The following ST8SIA4 variants were observed in gnomAD, a reference collection of about 807,000 sequenced individuals.
The protein encoded by ST8SIA4 is ST8 alpha-N-acetyl-neuraminide alpha-2,8-sialyltransferase 4.
In ST8SIA4, 15 loss-of-function variants were observed where a neutral mutation model predicts 33.9. The ratio of observed to expected loss-of-function variants is 0.44; its 90% CI spans 0.30 to 0.68. ST8SIA4 has a LOEUF of 0.68. Ranked by LOEUF, ST8SIA4 falls within the 30% of genes least tolerant of loss-of-function variation. The pLI, the probability that ST8SIA4 is intolerant of heterozygous loss-of-function variation, is 0.10. For missense variants in ST8SIA4, 321 were observed against 428.0 expected, an observed-to-expected ratio of 0.75 and a Z score of 2.21; for synonymous variants, 171 against 151.2, an observed-to-expected ratio of 1.13 and a Z score of -0.96.
chr5:100,828,558 T>G (rs986137731), intron 4 of ST8SIA4, among the ~76,000 whole-genome samples: 3 of 152,198 alleles, frequency 2.0e-5, no homozygotes, highest in Non-Finnish European at 4.4e-5. Flanking sequence ...ACGTCTTTGC[T>G]AAAAGGCTCC....
At chr5:100,815,218 G>GA (rs900764860) in intron 4 of ST8SIA4, among the ~76,000 whole-genome samples, 12 of 151,168 alleles carry the variant, frequency 7.9e-5, no homozygotes, top group Admixed American at 7.2e-4. Flanking sequence ...AAATTTGAAG[G>GA]AAAAAAAATC....
chr5:100,875,234 T>C (rs942821848), intron 3 of ST8SIA4, among the ~76,000 whole-genome samples: 2 of 152,184 alleles, frequency 1.3e-5, no homozygotes, highest in Non-Finnish European at 2.9e-5. Flanking sequence ...ACTGAATCTG[T>C]TAATAGTTAA....
chr5:100,853,711 C>A (rs183684692), intron 4 of ST8SIA4, among the ~76,000 whole-genome samples: 21 of 152,158 alleles, frequency 1.4e-4, no homozygotes, highest in African/African-American at 4.8e-4. Flanking sequence ...TTTAAAATAT[C>A]TGTAAAAACC....
intron 4 of ST8SIA4, among the ~76,000 whole-genome samples, chr5:100,830,241 G>T (rs1751226317): frequency 6.6e-6 from 1 of 152,196 alleles, no homozygotes; most frequent in African/African-American, 2.4e-5. Context: ...AGACTCTGGA[G>T]CCAGACCGAT....
At chr5:100,885,069 C>T (rs1378511990) in intron 3 of ST8SIA4, among the ~76,000 whole-genome samples, 1 of 149,258 alleles carries the variant, frequency 6.7e-6, no homozygotes, top group East Asian at 1.9e-4. Flanking sequence ...AGAGGCCTTA[C>T]ATTTTTTCAC....
intron 4 of ST8SIA4, among the ~76,000 whole-genome samples, chr5:100,844,802 C>A (rs763008893): frequency 1.6e-4 from 24 of 151,872 alleles, no homozygotes; most frequent in Non-Finnish European, 2.1e-4. Context: ...TAGCTAAAGG[C>A]TTTAAACTTA....
chr5:100,847,563 G>T (rs909570071), intron 4 of ST8SIA4, among the ~76,000 whole-genome samples: 1 of 152,024 alleles, frequency 6.6e-6, no homozygotes, highest in Admixed American at 6.6e-5. Context: ...TTTGAGAAAT[G>T]ATATTTTTGT....
Position 100,856,360 on chromosome 5 carries a change from A to T in ST8SIA4, c.540T>A (p.Asp180Glu). 1.9e-6 allele frequency: 3 copies of T among 1,614,030 alleles called. No individual in the cohort carries two copies. The highest frequency in any genetic ancestry group is 2.5e-6 in the Non-Finnish European group (3 of 1,179,910). ...TAATAAAATCTGATTTAGTTCCCAC[A>T]TCTGCAGCAAACTCCACCACAGGAG... ...NLAPVVEFAA[D>E]VGTKSDFITM... Residue 180 changes from aspartate (D) to glutamate (E), a missense_variant, in exon 4 of 5, where the codon GAT becomes GAA. Asp to Glu is a conservative substitution (Grantham distance 45, BLOSUM62 2). Coordinates refer to ENST00000231461, the MANE Select transcript of ST8SIA4 (RefSeq NM_005668.6).
chr5:100,897,882 C>G (rs145863326), intron 1 of ST8SIA4, among the ~76,000 whole-genome samples: 64 of 152,200 alleles, frequency 4.2e-4, no homozygotes, highest in African/African-American at 1.5e-3. Context: ...TACTGACCAT[C>G]GGCCCAGAAG....
intron 3 of ST8SIA4, among the ~76,000 whole-genome samples, chr5:100,866,834 T>A (rs1752073908): frequency 6.6e-6 from 1 of 152,032 alleles, no homozygotes; most frequent in South Asian, 2.1e-4. Flanking sequence ...CACTCAAACT[T>A]TTTTTTAATA....
At chr5:100,886,636 A>G (rs370240713) in intron 2 of ST8SIA4, 36 bp from the exon 3 acceptor site, 48 of 1,535,344 alleles carry the variant, frequency 3.1e-5, no homozygotes, top group Middle Eastern at 3.4e-4. Context: ...TTACATTACC[A>G]TCAGCATATC....
intron 3 of ST8SIA4, among the ~76,000 whole-genome samples, chr5:100,879,458 G>A (rs1256353265): frequency 6.6e-6 from 1 of 152,040 alleles, no homozygotes; most frequent in Non-Finnish European, 1.5e-5. Flanking sequence ...ATAAAGGAAT[G>A]TTTTACCTCT....
At chr5:100,836,368 A>G (rs1751361599) in intron 4 of ST8SIA4, among the ~76,000 whole-genome samples, 1 of 151,988 alleles carries the variant, frequency 6.6e-6, no homozygotes, top group South Asian at 2.1e-4. Context: ...GCCCCTAAAG[A>G]CCACGTTGAG....
At chr5:100,841,661 C>T (rs1055540197) in intron 4 of ST8SIA4, among the ~76,000 whole-genome samples, 1 of 151,698 alleles carries the variant, frequency 6.6e-6, no homozygotes, top group Non-Finnish European at 1.5e-5. Context: ...TGTGTTTTGT[C>T]CAATTATTTG....
rs530276095 is a variant in ST8SIA4 at position 100,823,929 on chromosome 5, T to C, written c.798-11800A>G. ...TTTACTGACAGTTTGAATAAGAATA[T>C]AAGTTGATAGAGATAATTAACTCAG... On this transcript the variant is annotated intron_variant, in intron 4 of 4. Coordinates refer to ENST00000231461, the MANE Select transcript of ST8SIA4 (RefSeq NM_005668.6). Among the ~76,000 whole-genome samples the C allele has an allele frequency of 2.6e-5, 4 of 152,354 alleles. No individual in the cohort carries two copies. In the South Asian group the frequency reaches 6.2e-4, roughly 24 times the overall value.
chr5:100,864,574 CAAAAAAAAAAAAAA>C (rs201029430), intron 3 of ST8SIA4, among the ~76,000 whole-genome samples: 4 of 69,384 alleles, frequency 5.8e-5, no homozygotes, highest in Admixed American at 1.6e-4. Context: ...GACTCCGGCT[CAAAAAAAAAAAAAA>C]AAAAAAAAAA....
At chr5:100,819,949 G>A (rs184259475) in intron 4 of ST8SIA4, among the ~76,000 whole-genome samples, 15 of 152,190 alleles carry the variant, frequency 9.9e-5, no homozygotes, top group South Asian at 4.1e-4. Flanking sequence ...TATTCTTGCT[G>A]GTATTTTAGA....
chr5:100,861,599 T>C (rs527511431), intron 3 of ST8SIA4, among the ~76,000 whole-genome samples: 2 of 152,252 alleles, frequency 1.3e-5, no homozygotes, highest in Non-Finnish European at 2.9e-5. Context: ...TTAATTTAAA[T>C]AAAAATGTTA....
chr5:100,821,843 T>C (rs1015994470), intron 4 of ST8SIA4, among the ~76,000 whole-genome samples: 2 of 152,222 alleles, frequency 1.3e-5, no homozygotes, highest in African/African-American at 4.8e-5. Context: ...TCTATTTTTA[T>C]TCCTGCCATA....
Sources: allele counts gnomAD v4.1 joint callset (sites outside exome capture counted in the v4.1 genomes callset), GRCh38; gene constraint gnomAD v4.1.1; transcripts MANE v1.5; gene names NCBI Gene and HGNC (gene_info 2026-07-23, HGNC 2026-07-21).